ACACB: variants seen among roughly 807,000 people sequenced by gnomAD.
The protein encoded by ACACB is acetyl-CoA carboxylase beta.
A neutral mutation model predicts 278.8 loss-of-function variants in ACACB; 209 were observed. That is an observed-to-expected ratio of 0.75 (90% confidence interval 0.67 to 0.84). ACACB has a LOEUF of 0.84. ACACB is among the 40% of genes least tolerant of loss of function. The probability of loss-of-function intolerance (pLI) is 0.00; values close to 1 mark genes in which losing one functional copy is unlikely to be tolerated. For synonymous variants in ACACB, 1,174 were observed against 1,285.6 expected (o/e 0.91, Z 1.86); for missense variants, 2,850 against 3,269.0 (o/e 0.87, Z 3.13).
At chr12:109,238,411 TATA>T (rs992937579) in intron 34 of ACACB, among the ~76,000 whole-genome samples, 5 of 140,312 alleles carry the variant, frequency 3.6e-5, no homozygotes, top group African/African-American at 1.3e-4. Flanking sequence ...TATAATTATA[TATA>T]ATAATATATA....
chr12:109,154,777 G>C (rs2043481130), intron 2 of ACACB: 1 of 152,786 alleles, frequency 6.5e-6, no homozygotes, highest in Non-Finnish European at 1.5e-5. Context: ...CGGCCTCCGG[G>C]TCGCGACCTG....
chr12:109,156,714 C>T (rs1489645075), intron 2 of ACACB, among the ~76,000 whole-genome samples: 2 of 151,774 alleles, frequency 1.3e-5, no homozygotes, highest in Non-Finnish European at 2.9e-5. Context: ...AACATTCATG[C>T]ACACCTCCCA....
rs138977288 is a variant in ACACB, at chr12:109,210,601, A to G, written c.3249+1248A>G. On this transcript the variant is annotated intron_variant, in intron 21 of 52. Transcript: ENST00000338432. ...TATATACATATAAACATATATATGT[A>G]TATATATAATATTTTTTAAGAATTA... 1.4e-3 allele frequency among the ~76,000 whole-genome samples: 216 copies of G among 149,478 alleles called. 11 individuals are homozygous for G. The East Asian group carries it at 0.036, about 25-fold the overall frequency.
chr12:109,222,953 A>G (rs780164805), intron 26 of ACACB, 41 bp downstream of exon 26: 2 of 1,500,460 alleles, frequency 1.3e-6, no homozygotes, highest in Non-Finnish European at 9.1e-7. Context: ...CAGAGCACAC[A>G]CTGTGGCCCA....
intron 4 of ACACB, among the ~76,000 whole-genome samples, chr12:109,169,192 C>T (rs1391480323): frequency 6.6e-6 from 1 of 150,502 alleles, no homozygotes; most frequent in Non-Finnish European, 1.5e-5. Context: ...GTCAGGTCTT[C>T]AGGTCTTTTT....
intron 21 of ACACB, 72 bp from the exon 22 acceptor site, chr12:109,212,764 C>T (rs2045886694): frequency 7.6e-7 from 1 of 1,322,240 alleles, no homozygotes; most frequent in Non-Finnish European, 1.1e-6. Context: ...GGTTTGGGGA[C>T]CCTTTCTTTA....
At chr12:109,116,872 AATGTAACGC>A (rs1469444360) in intron 1 of ACACB, among the ~76,000 whole-genome samples, 168 bp downstream of exon 1, 1 of 152,148 alleles carries the variant, frequency 6.6e-6, no homozygotes, top group East Asian at 1.9e-4. Context: ...AAGAGCTCGA[AATGTAACGC>A]AGATGAAAGA....
chr12:109,113,956 G>C (rs1447879730), upstream of ACACB, among the ~76,000 whole-genome samples: 1 of 152,122 alleles, frequency 6.6e-6, no homozygotes, highest in Non-Finnish European at 1.5e-5. Flanking sequence ...AAGTTCCTTT[G>C]TAGTTTAAGT....
chr12:109,218,765 A>T (rs1593608540), intron 24 of ACACB, among the ~76,000 whole-genome samples: 2 of 133,580 alleles, frequency 1.5e-5, no homozygotes, highest in African/African-American at 2.8e-5. Flanking sequence ...TCTATCTTCT[A>T]TCTATCTTTT....
chr12:109,160,706 G>A (rs1187619569), intron 2 of ACACB, among the ~76,000 whole-genome samples: 1 of 152,234 alleles, frequency 6.6e-6, no homozygotes, highest in Non-Finnish European at 1.5e-5. Context: ...GCCAATGTTG[G>A]TTGGCTTCCA....
chr12:109,204,552 G>C (rs2045438280), intron 19 of ACACB, among the ~76,000 whole-genome samples: 1 of 151,634 alleles, frequency 6.6e-6, no homozygotes, highest in African/African-American at 2.4e-5. Context: ...TGGGATTACA[G>C]GTGTGAGCCA....
chr12:109,237,490 A>C, intron 34 of ACACB, 110 bp downstream of exon 34: 1 of 1,165,168 alleles, frequency 8.6e-7, no homozygotes, highest in East Asian at 2.6e-5. Context: ...AGAGTACACC[A>C]ACACCCAGGG....
intron 28 of ACACB, among the ~76,000 whole-genome samples, chr12:109,230,455 T>A (rs1020927165): frequency 3.9e-5 from 6 of 152,104 alleles, no homozygotes; most frequent in Non-Finnish European, 8.8e-5. Context: ...CAGAGTCTAG[T>A]TCTGTCACCC....
intron 28 of ACACB, 148 bp downstream of exon 28, chr12:109,227,637 G>A (rs2046351299): frequency 2.9e-6 from 2 of 701,678 alleles, no homozygotes; most frequent in Non-Finnish European, 2.4e-6. Context: ...GGAGCTCCCT[G>A]CAGCGCCATT....
chr12:109,176,785 T>C (rs2044295670), intron 9 of ACACB, among the ~76,000 whole-genome samples: 1 of 152,066 alleles, frequency 6.6e-6, no homozygotes, highest in South Asian at 2.1e-4. Flanking sequence ...CGCAGCTCAT[T>C]TTTGTCTTTT....
At chr12:109,140,120 C>T in intron 2 of ACACB, 62 bp downstream of exon 2, 1 of 1,486,178 alleles carries the variant, frequency 6.7e-7, no homozygotes, top group Non-Finnish European at 8.9e-7. Flanking sequence ...CCACACCCTT[C>T]CCAACCTGTG....
chr12:109,209,683 T>G (rs185691489), intron 21 of ACACB, among the ~76,000 whole-genome samples: 1 of 151,756 alleles, frequency 6.6e-6, no homozygotes, highest in East Asian at 2.0e-4. Context: ...AACTGCAAGT[T>G]TTTTTATTTT....
intron 34 of ACACB, among the ~76,000 whole-genome samples, chr12:109,238,355 T>G (rs531182195): frequency 6.9e-6 from 1 of 145,486 alleles, no homozygotes; most frequent in East Asian, 2.0e-4. Context: ...TTTTTTTTTT[T>G]TTTACTAATC....
intron 24 of ACACB, among the ~76,000 whole-genome samples, chr12:109,217,845 A>G (rs1273374309): frequency 6.6e-6 from 1 of 152,202 alleles, no homozygotes; most frequent in African/African-American, 2.4e-5. Context: ...AAAACAGGCA[A>G]TGAGTCGGGT....
Sources: gnomAD v4.1 joint callset for allele counts (sites outside exome capture counted in the v4.1 genomes callset) on GRCh38, gnomAD v4.1.1 for gene constraint, MANE v1.5 for transcripts, NCBI Gene and HGNC (gene_info 2026-07-23, HGNC 2026-07-21) for gene names.